IMMP2L: variants seen among roughly 807,000 people sequenced by gnomAD.
The protein encoded by IMMP2L is inner mitochondrial membrane peptidase subunit 2.
Under a neutral mutation model 19.3 loss-of-function variants are expected in IMMP2L, and 18 were observed. The ratio of observed to expected loss-of-function variants is 0.93; its 90% CI spans 0.64 to 1.38. IMMP2L has a LOEUF of 1.38. Ranked by LOEUF, IMMP2L falls within the 40% of genes most tolerant of loss-of-function variation. The pLI is 0.00. For missense variants in IMMP2L, 233 were observed against 218.2 expected, an observed-to-expected ratio of 1.07 and a Z score of -0.43; for synonymous variants, 76 against 73.0, an observed-to-expected ratio of 1.04 and a Z score of -0.21.
At chr7:110,881,971 C>G (rs764591554) in intron 5 of IMMP2L, among the ~76,000 whole-genome samples, 2 of 152,132 alleles carry the variant, frequency 1.3e-5, no homozygotes, top group African/African-American at 4.8e-5. Context: ...CTCTACTTCT[C>G]GAAGAGGCTC....
chr7:111,267,611 ACT>A (rs1817968682), intron 3 of IMMP2L, among the ~76,000 whole-genome samples: 1 of 152,152 alleles, frequency 6.6e-6, no homozygotes, highest in South Asian at 2.1e-4. Context: ...TTACTGGGCA[ACT>A]TCTAAGGAGG....
At chr7:111,430,222 T>C (rs1336821509) in intron 3 of IMMP2L, among the ~76,000 whole-genome samples, 3 of 151,856 alleles carry the variant, frequency 2.0e-5, no homozygotes, top group Admixed American at 2.0e-4. Flanking sequence ...TGAAAATTAA[T>C]AACAAAGTAA....
intron 3 of IMMP2L, among the ~76,000 whole-genome samples, chr7:111,081,248 TA>T (rs1795866024): frequency 6.6e-6 from 1 of 152,144 alleles, no homozygotes; most frequent in Non-Finnish European, 1.5e-5. Context: ...TTACATGAAA[TA>T]TATGTTTATT....
chr7:111,127,858 CAAAAT>C (rs1332267516), intron 3 of IMMP2L, among the ~76,000 whole-genome samples: 2 of 152,046 alleles, frequency 1.3e-5, no homozygotes, highest in Admixed American at 1.3e-4. Flanking sequence ...ATTGATACTA[CAAAAT>C]AAAATTAAGA....
chr7:110,688,226 T>C (rs1192199825), intron 5 of IMMP2L, among the ~76,000 whole-genome samples: 1 of 152,104 alleles, frequency 6.6e-6, no homozygotes, highest in African/African-American at 2.4e-5. Flanking sequence ...TGTAAAATTG[T>C]AAGCAAAATA....
intron 4 of IMMP2L, among the ~76,000 whole-genome samples, chr7:110,932,557 T>C (rs1369566853): frequency 6.6e-6 from 1 of 152,164 alleles, no homozygotes; most frequent in Non-Finnish European, 1.5e-5. Flanking sequence ...GGTTTCACCA[T>C]GTTAGCCAGG....
chr7:110,686,360 T>C (rs1296828733), intron 5 of IMMP2L, among the ~76,000 whole-genome samples: 1 of 152,018 alleles, frequency 6.6e-6, no homozygotes, highest in African/African-American at 2.4e-5. Context: ...ATATTCTTTC[T>C]CTTGGTAAAC....
chr7:111,004,404 A>G (rs557411764), intron 3 of IMMP2L, among the ~76,000 whole-genome samples: 1 of 152,126 alleles, frequency 6.6e-6, no homozygotes, highest in African/African-American at 2.4e-5. Flanking sequence ...GACTCAAATG[A>G]TCCTTCTGTC....
intron 2 of IMMP2L, among the ~76,000 whole-genome samples, chr7:111,496,391 C>T (rs1396542771): frequency 1.3e-5 from 2 of 152,166 alleles, no homozygotes; most frequent in East Asian, 3.9e-4. Context: ...TAGGTGTCAA[C>T]TTGACTAGAT....
At chr7:110,694,511 C>A (rs887784733) in intron 5 of IMMP2L, among the ~76,000 whole-genome samples, 1 of 152,106 alleles carries the variant, frequency 6.6e-6, no homozygotes, top group Non-Finnish European at 1.5e-5. Context: ...CTTTGAGACA[C>A]AGTCTAAGTT....
chr7:111,152,588 T>C (rs1804200925), intron 3 of IMMP2L, among the ~76,000 whole-genome samples: 2 of 152,124 alleles, frequency 1.3e-5, no homozygotes, highest in South Asian at 4.1e-4. Context: ...TCATCCTCCC[T>C]AATAAATGAG....
At chr7:111,424,085 T>A (rs1275236534) in intron 3 of IMMP2L, among the ~76,000 whole-genome samples, 1 of 151,908 alleles carries the variant, frequency 6.6e-6, no homozygotes, top group Non-Finnish European at 1.5e-5. Context: ...CAACATGCCC[T>A]GTTCTTCACA....
At chr7:111,432,795 A>C (rs1189830884) in intron 3 of IMMP2L, among the ~76,000 whole-genome samples, 2 of 151,470 alleles carry the variant, frequency 1.3e-5, no homozygotes, top group East Asian at 3.9e-4. Flanking sequence ...GTATCTAGAG[A>C]ACCCTAAAGA....
At chr7:111,190,370 C>G (rs1339756028) in intron 3 of IMMP2L, among the ~76,000 whole-genome samples, 1 of 152,056 alleles carries the variant, frequency 6.6e-6, no homozygotes, top group Non-Finnish European at 1.5e-5. Context: ...TACCAACATG[C>G]TAAATGTATA....
chr7:111,550,399 C>T (rs890885416), intron 1 of IMMP2L, among the ~76,000 whole-genome samples: 2 of 152,076 alleles, frequency 1.3e-5, no homozygotes, highest in Admixed American at 6.6e-5. Context: ...TTTGTCCAAA[C>T]CCACAAAATG....
At chr7:111,227,942 CATT>C (rs1813284714) in intron 3 of IMMP2L, among the ~76,000 whole-genome samples, 1 of 152,092 alleles carries the variant, frequency 6.6e-6, no homozygotes, top group Admixed American at 6.6e-5. Context: ...TCTGTTGTCT[CATT>C]AGTTGTATTT....
chr7:110,754,149 A>G (rs1197077455), intron 5 of IMMP2L, among the ~76,000 whole-genome samples: 2 of 152,024 alleles, frequency 1.3e-5, no homozygotes, highest in Non-Finnish European at 2.9e-5. Flanking sequence ...AAAATGGGTC[A>G]AAAGGTAAAA....
rs931330815 is a variant in IMMP2L, at chr7:110,765,120, T to C, written c.409-101399A>G. ...AAGCTTAATTAACCTGTAGAATAGATAGCAAAATCAAGATAAAAGATATCT... is the reference window on the plus strand; with the variant it reads ...AAGCTTAATTAACCTGTAGAATAGACAGCAAAATCAAGATAAAAGATATCT... On this transcript the variant is annotated intron_variant, in intron 5 of 5. Coordinates refer to ENST00000405709, the MANE Select transcript of IMMP2L (RefSeq NM_032549.4). 2.6e-5 allele frequency among the ~76,000 whole-genome samples: 4 copies of C among 152,060 alleles called. No homozygotes were observed. The South Asian group carries it at 6.2e-4, about 24-fold the overall frequency.
In IMMP2L at chr7:111,416,865, T is replaced by C. The variant is rs1040121626; in HGVS notation, c.239+70373A>G. 2.0e-5 allele frequency among the ~76,000 whole-genome samples: 3 copies of C among 151,758 alleles called. No homozygotes were observed. In the East Asian group the frequency reaches 5.8e-4, roughly 29 times the overall value. On this transcript the variant is annotated intron_variant, in intron 3 of 5. Coordinates refer to ENST00000405709, the MANE Select transcript of IMMP2L (RefSeq NM_032549.4). The stretch of plus-strand genomic sequence containing the variant: ...ACAACATCCAAAGTTAAGCAGAATA[T>C]GGTATGATACATAATACCTTTAATA...
Sources: gnomAD v4.1 joint callset for allele counts (sites outside exome capture counted in the v4.1 genomes callset) on GRCh38, gnomAD v4.1.1 for gene constraint, MANE v1.5 for transcripts, NCBI Gene and HGNC (gene_info 2026-07-23, HGNC 2026-07-21) for gene names.